Variants in ASTN2 observed in about 807,000 individuals in gnomAD.
ASTN2 encodes the protein astrotactin 2.
Under a neutral mutation model 139.8 loss-of-function variants are expected in ASTN2, and 54 were observed. That is an observed-to-expected ratio of 0.39 (90% confidence interval 0.31 to 0.48). ASTN2 has a LOEUF of 0.48. ASTN2 is among the 20% of genes least tolerant of loss of function. The probability of loss-of-function intolerance (pLI) is 0.95; values close to 1 mark genes in which losing one functional copy is unlikely to be tolerated. For synonymous variants in ASTN2, 756 were observed against 719.5 expected (o/e 1.05, Z -0.81); for missense variants, 1,565 against 1,725.1 (o/e 0.91, Z 1.64).
intron 2 of ASTN2, among the ~76,000 whole-genome samples, chr9:117,228,778 G>T (rs1450532074): frequency 6.6e-6 from 1 of 152,078 alleles, no homozygotes; most frequent in Non-Finnish European, 1.5e-5. Context: ...ACTTTAGGAG[G>T]CCGAGGCGGG....
chr9:116,998,265 C>G (rs578013147), intron 7 of ASTN2, among the ~76,000 whole-genome samples: 9 of 152,160 alleles, frequency 5.9e-5, no homozygotes, highest in Non-Finnish European at 1.2e-4. Context: ...GAGGATATCC[C>G]CAGTTGAGGC....
At chr9:116,911,034 A>T (rs1834296068) in intron 10 of ASTN2, among the ~76,000 whole-genome samples, 1 of 152,186 alleles carries the variant, frequency 6.6e-6, no homozygotes, top group Non-Finnish European at 1.5e-5. Context: ...GTCAGACCAA[A>T]TGATCCTACT....
At chr9:117,247,724 T>C (rs1028296107) in intron 2 of ASTN2, among the ~76,000 whole-genome samples, 14 of 152,238 alleles carry the variant, frequency 9.2e-5, no homozygotes, top group African/African-American at 3.4e-4. Flanking sequence ...GATCTGGCTC[T>C]GCTTCCCTTC....
At chr9:116,654,302 C>G (rs1858088694) in intron 16 of ASTN2, among the ~76,000 whole-genome samples, 1 of 152,160 alleles carries the variant, frequency 6.6e-6, no homozygotes, top group Non-Finnish European at 1.5e-5. Flanking sequence ...AACAAAGACT[C>G]TATAATCACA....
rs763539712 is a variant in ASTN2, at chr9:116,789,200, C to T, written c.2396+16432G>A. On this transcript the variant is annotated intron_variant, in intron 13 of 22. Transcript: ENST00000313400. ...AATCACTTCATCGTCTTTCTTTCCT[C>T]CTACACTAGAAAGCATCAAAAAGAA... Among the ~76,000 whole-genome samples, 6 of 152,266 alleles carry T rather than the reference C, an allele frequency of 3.9e-5. No homozygotes were observed. In the South Asian group the frequency reaches 1.2e-3, roughly 32 times the overall value.
chr9:117,052,233 G>T (rs1212195263), intron 5 of ASTN2, among the ~76,000 whole-genome samples: 1 of 152,064 alleles, frequency 6.6e-6, no homozygotes, highest in Non-Finnish European at 1.5e-5. Flanking sequence ...GAGGTCAGGA[G>T]ATTGAGACCG....
intron 13 of ASTN2, among the ~76,000 whole-genome samples, chr9:116,771,945 C>G (rs1829962849): frequency 7.9e-5 from 12 of 152,248 alleles, no homozygotes; most frequent in Admixed American, 7.9e-4. Flanking sequence ...TCCACTACTA[C>G]TCATGCAAAC....
intron 10 of ASTN2, among the ~76,000 whole-genome samples, chr9:116,881,558 T>G (rs1833450353): frequency 6.6e-6 from 1 of 152,228 alleles, no homozygotes; most frequent in South Asian, 2.1e-4. Context: ...GATAAGCCAC[T>G]TAAAGCACCA....
At chr9:117,203,251 A>T in intron 3 of ASTN2, among the ~76,000 whole-genome samples, 1 of 151,876 alleles carries the variant, frequency 6.6e-6, no homozygotes, top group Non-Finnish European at 1.5e-5. Flanking sequence ...TCTTCTCAAG[A>T]TTCTTAGCTT....
At chr9:116,538,729 A>T (rs545036315) in intron 19 of ASTN2, among the ~76,000 whole-genome samples, 10 of 152,316 alleles carry the variant, frequency 6.6e-5, no homozygotes, top group African/African-American at 2.4e-4. Context: ...GCATCCTACA[A>T]GTGATGATGC....
At chr9:116,916,985 A>G (rs892690567) in intron 10 of ASTN2, among the ~76,000 whole-genome samples, 7 of 151,890 alleles carry the variant, frequency 4.6e-5, no homozygotes, top group Non-Finnish European at 1.0e-4. Flanking sequence ...AAAACCCTCT[A>G]TGGAGATTTT....
intron 16 of ASTN2, among the ~76,000 whole-genome samples, chr9:116,679,852 T>A (rs1022638741): frequency 2.0e-5 from 3 of 152,076 alleles, no homozygotes; most frequent in African/African-American, 7.2e-5. Context: ...CATACCAGAA[T>A]CTCTGGGACA....
chr9:116,898,625 C>A (rs903640334), intron 10 of ASTN2, among the ~76,000 whole-genome samples: 2 of 152,098 alleles, frequency 1.3e-5, no homozygotes, highest in African/African-American at 4.8e-5. Flanking sequence ...GCTCTCTTAT[C>A]TGTGTTTTTT....
chr9:116,878,470 T>C (rs1833362682), intron 10 of ASTN2, among the ~76,000 whole-genome samples: 2 of 152,148 alleles, frequency 1.3e-5, no homozygotes, highest in Non-Finnish European at 2.9e-5. Context: ...AAACACTGCA[T>C]GTTCTCACTT....
chr9:116,478,229 AG>A (rs1554768588), intron 20 of ASTN2, among the ~76,000 whole-genome samples: 1 of 52,190 alleles, frequency 1.9e-5, no homozygotes, highest in Non-Finnish European at 3.4e-5. Context: ...TGGGGGAGTA[AG>A]GGGGGAGGGA....
At chr9:116,490,303 A>AAAAAAAAAAAAAG (rs1564314423) in intron 19 of ASTN2, among the ~76,000 whole-genome samples, 3 of 104,514 alleles carry the variant, frequency 2.9e-5, no homozygotes, top group African/African-American at 6.8e-5. Flanking sequence ...AAAAAAAAAA[A>AAAAAAAAAAAAAG]GGGGGCATTG....
chr9:117,349,239 G>A (rs925095489), intron 1 of ASTN2, among the ~76,000 whole-genome samples: 30 of 152,176 alleles, frequency 2.0e-4, no homozygotes, highest in African/African-American at 7.0e-4. Context: ...GATCACCAAG[G>A]TCATAGCAGG....
intron 5 of ASTN2, among the ~76,000 whole-genome samples, chr9:117,072,862 T>TAGGTATCCAAACA (rs1467658304): frequency 1.3e-5 from 2 of 152,138 alleles, no homozygotes; most frequent in African/African-American, 4.8e-5. Flanking sequence ...TACAAAGGGT[T>TAGGTATCCAAACA]AGGTATCCAA....
intron 6 of ASTN2, among the ~76,000 whole-genome samples, chr9:117,011,087 A>G (rs565732092): frequency 6.6e-6 from 1 of 152,336 alleles, no homozygotes; most frequent in Admixed American, 6.5e-5. Flanking sequence ...AGCTCTGTGA[A>G]ATCTCAAGGA....
Sources: allele counts gnomAD v4.1 joint callset (sites outside exome capture counted in the v4.1 genomes callset), GRCh38; gene constraint gnomAD v4.1.1; transcripts MANE v1.5; gene names NCBI Gene and HGNC (gene_info 2026-07-23, HGNC 2026-07-21).